CFAP299: variants seen among roughly 807,000 people sequenced by gnomAD.
CFAP299 encodes cilia- and flagella-associated protein 299.
CFAP299 carries 21 observed loss-of-function variants against 27.0 expected under a neutral mutation model. That is an observed-to-expected ratio of 0.78 (90% CI 0.55 to 1.12). The LOEUF is 1.12. Among genes scored for constraint, CFAP299 ranks in the 50% most tolerant of loss-of-function variants. The pLI, the probability that CFAP299 is intolerant of heterozygous loss-of-function variation, is 0.00. For missense variants in CFAP299, 310 were observed against 276.6 expected (o/e 1.12, Z -0.86); for synonymous variants, 104 against 98.1 (o/e 1.06, Z -0.36).
At chr4:80,934,855 T>C (rs1217999600) in intron 4 of CFAP299, among the ~76,000 whole-genome samples, 1 of 152,034 alleles carries the variant, frequency 6.6e-6, no homozygotes, top group Non-Finnish European at 1.5e-5. Context: ...ATTTATCTTT[T>C]CTAATGTTTG....
intron 2 of CFAP299, among the ~76,000 whole-genome samples, chr4:80,431,570 T>C (rs1178277228): frequency 6.6e-6 from 1 of 152,078 alleles, no homozygotes; most frequent in African/African-American, 2.4e-5. Context: ...CTTCTCCTTT[T>C]ATTTTTCTTA....
chr4:80,914,025 G>A (rs1735620218), intron 4 of CFAP299, among the ~76,000 whole-genome samples: 1 of 152,088 alleles, frequency 6.6e-6, no homozygotes, highest in Non-Finnish European at 1.5e-5. Flanking sequence ...TTTATCAGTA[G>A]TTTATTCCTT....
At chr4:80,322,164 C>T in the CFAP299 span, among the ~76,000 whole-genome samples, 1 of 152,222 alleles carries the variant, frequency 6.6e-6, no homozygotes, top group African/African-American at 2.4e-5. Flanking sequence ...CTTGAAAACT[C>T]TGGAAATCCT....
At chr4:80,506,795 G>C (rs950979592) in intron 2 of CFAP299, among the ~76,000 whole-genome samples, 2 of 152,110 alleles carry the variant, frequency 1.3e-5, no homozygotes, top group African/African-American at 4.8e-5. Context: ...AATGGGATAA[G>C]AGAATAACAG....
intron 2 of CFAP299, among the ~76,000 whole-genome samples, chr4:80,402,372 A>T (rs1437362318): frequency 1.3e-5 from 2 of 152,246 alleles, no homozygotes; most frequent in East Asian, 3.9e-4. Flanking sequence ...AGGGGAGGTA[A>T]TTCAATCATG....
At position 80,387,320 on chromosome 4, in the gene CFAP299, G is replaced by A. The variant is rs1326206359; in HGVS notation, c.242+24436G>A. On this transcript the variant is annotated intron_variant, in intron 2 of 5. Coordinates refer to ENST00000358105, the MANE Select transcript of CFAP299 (RefSeq NM_152770.3). ...TGTGTCGAGCTTTGGGAACGTTTGGGCACAGCTTTTGACCACACATTTGTA... is the reference window on the plus strand; with the variant it reads ...TGTGTCGAGCTTTGGGAACGTTTGGACACAGCTTTTGACCACACATTTGTA... 15 of 1,606,488 alleles carry A rather than the reference G, an allele frequency of 9.3e-6. No homozygotes were observed. In the East Asian group the frequency reaches 1.1e-4, roughly 12 times the overall value.
chr4:80,374,458 C>T (rs940349149), intron 2 of CFAP299, among the ~76,000 whole-genome samples: 7 of 152,146 alleles, frequency 4.6e-5, no homozygotes, highest in African/African-American at 1.4e-4. Flanking sequence ...ATTTTCTTTA[C>T]ATTGCTGCTG....
intron 2 of CFAP299, among the ~76,000 whole-genome samples, chr4:80,582,706 A>T (rs907558668): frequency 6.6e-6 from 1 of 151,830 alleles, no homozygotes; most frequent in African/African-American, 2.4e-5. Context: ...TGCATAGCAT[A>T]GGTGTCTAGT....
chr4:80,928,827 C>G (rs1343047060), intron 4 of CFAP299, among the ~76,000 whole-genome samples: 2 of 152,106 alleles, frequency 1.3e-5, no homozygotes, highest in Non-Finnish European at 2.9e-5. Context: ...CCATTCCTTT[C>G]CTGCATTTGA....
At chr4:80,795,087 C>A (rs570437745) in intron 3 of CFAP299, among the ~76,000 whole-genome samples, 1 of 152,262 alleles carries the variant, frequency 6.6e-6, no homozygotes, top group South Asian at 2.1e-4. Context: ...CAGAACGGGG[C>A]ATGCTATTCA....
intron 2 of CFAP299, among the ~76,000 whole-genome samples, chr4:80,490,957 C>A (rs1439053778): frequency 7.0e-6 from 1 of 142,456 alleles, no homozygotes; most frequent in African/African-American, 2.6e-5. Flanking sequence ...ATCTTACTTA[C>A]CTCTCCATTT....
In CFAP299 at chr4:80,567,504, G is replaced by C. The variant is rs373121431; in HGVS notation, c.243-15589G>C. Among the ~76,000 whole-genome samples the C allele has an allele frequency of 7.8e-4, 119 of 151,974 alleles. 3 individuals carry two copies. In the South Asian group the frequency reaches 0.024, roughly 31 times the overall value. ...TCCTAAAGAATATTGTTTCAATTGTGAAAAGGCAATTAAGAATAGTTTACG... is the reference window on the plus strand; with the variant it reads ...TCCTAAAGAATATTGTTTCAATTGTCAAAAGGCAATTAAGAATAGTTTACG... On this transcript the variant is annotated intron_variant, in intron 2 of 5. Coordinates refer to ENST00000358105, the MANE Select transcript of CFAP299 (RefSeq NM_152770.3).
intron 3 of CFAP299, among the ~76,000 whole-genome samples, chr4:80,756,559 TA>T (rs140882114): frequency 2.7e-4 from 41 of 150,886 alleles, no homozygotes; most frequent in African/African-American, 6.6e-4. Flanking sequence ...TTTTTAGTGT[TA>T]AAAAAAAACA....
chr4:80,590,411 G>C (rs1002964680), intron 3 of CFAP299, among the ~76,000 whole-genome samples: 3 of 152,138 alleles, frequency 2.0e-5, no homozygotes, highest in African/African-American at 7.2e-5. Flanking sequence ...GGCCGAGATG[G>C]GCAGATCACG....
chr4:80,776,905 A>G (rs1211948383), intron 3 of CFAP299, among the ~76,000 whole-genome samples: 1 of 151,280 alleles, frequency 6.6e-6, no homozygotes, highest in Admixed American at 6.6e-5. Context: ...GGGACAACAC[A>G]GTCTTATTCA....
At chr4:80,597,370 AG>A (rs1737108210) in intron 3 of CFAP299, among the ~76,000 whole-genome samples, 1 of 152,110 alleles carries the variant, frequency 6.6e-6, no homozygotes, top group Non-Finnish European at 1.5e-5. Flanking sequence ...TTTTCTGAAA[AG>A]CGTCTATTCA....
rs1489305891 is a variant in CFAP299, at chr4:80,398,636, C to A, written c.242+35752C>A. Among the ~76,000 whole-genome samples the A allele has an allele frequency of 2.0e-5, 3 of 151,538 alleles. 1 individual carries two copies. In the East Asian group the frequency reaches 5.8e-4, roughly 29 times the overall value. On this transcript the variant is annotated intron_variant, in intron 2 of 5. Coordinates refer to ENST00000358105, the MANE Select transcript of CFAP299 (RefSeq NM_152770.3). ...TGGTTCTGGGAAAACTGTCTGGCCA[C>A]ATGTAGAAAGCTGAAACTGGATCCC...
chr4:80,584,226 C>T (rs368907973), intron 3 of CFAP299, among the ~76,000 whole-genome samples: 11 of 151,998 alleles, frequency 7.2e-5, no homozygotes, highest in Admixed American at 2.0e-4. Flanking sequence ...TGAGCTATTA[C>T]GAATGCATTT....
chr4:80,490,465 A>G (rs532484500), intron 2 of CFAP299, among the ~76,000 whole-genome samples: 1 of 152,354 alleles, frequency 6.6e-6, no homozygotes, highest in African/African-American at 2.4e-5. Context: ...CATCCCATAG[A>G]ATATGAGATC....
Sources: allele counts gnomAD v4.1 joint callset (sites outside exome capture counted in the v4.1 genomes callset), GRCh38; gene constraint gnomAD v4.1.1; transcripts MANE v1.5; gene names NCBI Gene and HGNC (gene_info 2026-07-23, HGNC 2026-07-21).